Variants in TEX11 observed in about 807,000 individuals in gnomAD.
The protein encoded by TEX11 is testis-expressed protein 11.
TEX11 carries 7 observed loss-of-function variants against 84.4 expected under a neutral mutation model. The ratio of observed to expected loss-of-function variants is 0.08; its 90% confidence interval spans 0.05 to 0.16. TEX11 has a LOEUF of 0.16. Ranked by LOEUF, TEX11 falls within the 10% of genes least tolerant of loss-of-function variation. The pLI is 1.00. For synonymous variants in TEX11, 264 were observed against 222.8 expected (o/e 1.18, Z -1.64); for missense variants, 551 against 660.5 (o/e 0.83, Z 1.82).
intron 9 of TEX11, among the ~76,000 whole-genome samples, chrX:70,748,099 C>T (rs1479189707): frequency 1.8e-5 from 2 of 110,072 alleles, no homozygotes; most frequent in African/African-American, 6.6e-5. Flanking sequence ...TGTAAGACAC[C>T]ATTAAGCACA....
intron 16 of TEX11, among the ~76,000 whole-genome samples, chrX:70,659,856 T>C (rs1239687341): frequency 8.9e-6 from 1 of 112,322 alleles, no homozygotes; most frequent in South Asian, 3.7e-4. Context: ...TACAGTCATG[T>C]GTCACTTAAC....
At chrX:70,704,079 A>ATCTCTCTC (rs376720264) in intron 13 of TEX11, among the ~76,000 whole-genome samples, 3 of 96,568 alleles carry the variant, frequency 3.1e-5, no homozygotes, top group African/African-American at 1.1e-4. Flanking sequence ...AGTGTGTGGT[A>ATCTCTCTC]TCTCTCTCTC....
chrX:70,808,386 C>T (rs1473359890), intron 8 of TEX11, among the ~76,000 whole-genome samples: 1 of 107,261 alleles, frequency 9.3e-6, no homozygotes, highest in African/African-American at 3.4e-5. Flanking sequence ...ACCTGTAATC[C>T]CAGCTACTTG....
chrX:70,512,264 G>A, the TEX11 span, among the ~76,000 whole-genome samples: 4 of 107,774 alleles, frequency 3.7e-5, no homozygotes, highest in Non-Finnish European at 7.7e-5. Flanking sequence ...AGATGGAGTG[G>A]CTGGAGTGCA....
intron 3 of TEX11, among the ~76,000 whole-genome samples, chrX:70,876,535 A>G (rs1471751758): frequency 8.9e-6 from 1 of 111,851 alleles, no homozygotes; most frequent in African/African-American, 3.2e-5. Flanking sequence ...TAAGCATGGT[A>G]AATACATGCT....
intron 15 of TEX11, among the ~76,000 whole-genome samples, chrX:70,670,817 AAAC>A (rs1389281596): frequency 8.9e-6 from 1 of 112,246 alleles, no homozygotes; most frequent in Admixed American, 9.4e-5. Flanking sequence ...AAAGTTATTA[AAAC>A]AACAACGACA....
chrX:70,674,163 G>C (rs746325626), intron 15 of TEX11, among the ~76,000 whole-genome samples: 1 of 112,157 alleles, frequency 8.9e-6, no homozygotes, highest in East Asian at 2.8e-4. Context: ...TTGGCTTTCT[G>C]ATCCTGTGTT....
chrX:70,689,246 A>G (rs2090214567), intron 13 of TEX11, among the ~76,000 whole-genome samples: 1 of 111,180 alleles, frequency 9.0e-6, no homozygotes, highest in African/African-American at 3.3e-5. Flanking sequence ...AACTTAATAT[A>G]GATACAGATG....
intron 9 of TEX11, among the ~76,000 whole-genome samples, chrX:70,761,647 A>T (rs981980818): frequency 5.3e-5 from 6 of 112,271 alleles, no homozygotes; most frequent in African/African-American, 1.9e-4. Flanking sequence ...TGGGTGCAGC[A>T]AACCAACATG....
At chrX:70,600,276 A>G (rs1027412786) in intron 24 of TEX11, among the ~76,000 whole-genome samples, 2 of 111,799 alleles carry the variant, frequency 1.8e-5, no homozygotes, top group African/African-American at 6.5e-5. Context: ...GCCAGTGATG[A>G]TGAACATTTT....
chrX:70,721,182 T>C (rs2090556311), intron 13 of TEX11, among the ~76,000 whole-genome samples: 1 of 111,796 alleles, frequency 8.9e-6, no homozygotes, highest in Non-Finnish European at 1.9e-5. Context: ...GCTTTTGTTA[T>C]TTAATAATGA....
intron 25 of TEX11, among the ~76,000 whole-genome samples, chrX:70,583,554 A>C (rs1316198638): frequency 8.9e-6 from 1 of 112,221 alleles, no homozygotes; most frequent in Non-Finnish European, 1.9e-5. Flanking sequence ...GCAACTGTGA[A>C]TAGTGCTGCA....
chrX:70,854,973 G>A (rs979129763), intron 5 of TEX11, among the ~76,000 whole-genome samples: 34 of 109,630 alleles, frequency 3.1e-4, no homozygotes, highest in Admixed American at 2.1e-3. Flanking sequence ...GCTTGAGCCC[G>A]GGGTGCCAAG....
At chrX:70,731,189 C>G (rs1416523114) in intron 11 of TEX11, among the ~76,000 whole-genome samples, 1 of 111,634 alleles carries the variant, frequency 9.0e-6, no homozygotes, top group East Asian at 2.8e-4. Flanking sequence ...TAAATGCCCA[C>G]AAGAGAAAGC....
At chrX:70,719,602 A>C (rs1284702922) in intron 13 of TEX11, among the ~76,000 whole-genome samples, 2 of 111,898 alleles carry the variant, frequency 1.8e-5, no homozygotes, top group South Asian at 3.7e-4. Flanking sequence ...AATGGGAGAA[A>C]ATTTTTGCAA....
intron 22 of TEX11, among the ~76,000 whole-genome samples, chrX:70,608,564 A>T (rs930735441): frequency 2.7e-5 from 3 of 109,198 alleles, no homozygotes; most frequent in African/African-American, 1.0e-4. Context: ...ACACGGTGAA[A>T]CCCCATCTCT....
chrX:70,697,288 T>C (rs1343455522), intron 13 of TEX11, among the ~76,000 whole-genome samples: 1 of 111,988 alleles, frequency 8.9e-6, no homozygotes, highest in East Asian at 2.8e-4. Flanking sequence ...GGTAACATAC[T>C]CACAGCCCCA....
At chrX:70,788,965 TATATATATAGAGAGAGAGAGAGAGAG>T (rs1484351614) in intron 9 of TEX11, among the ~76,000 whole-genome samples, 1 of 40,020 alleles carries the variant, frequency 2.5e-5, no homozygotes, top group Non-Finnish European at 4.1e-5. Context: ...TATATATATA[TATATATATAGAGAGAGAGAGAGAGAG>T]AGAGAGAGAG....
In TEX11 at chrX:70,655,506, C is replaced by T. The variant is rs186944601; in HGVS notation, c.1381-3954G>A. Among the ~76,000 whole-genome samples the T allele has an allele frequency of 1.6e-3, 184 of 111,814 alleles. 2 individuals are homozygous for T. The South Asian group carries it at 0.028, about 17-fold the overall frequency. Reference sequence around the variant, plus strand: ...CAGCATTAACTGCATTTTCACCTTACGATATTTTCAACTTATGATCAATTT... The same window carrying T: ...CAGCATTAACTGCATTTTCACCTTATGATATTTTCAACTTATGATCAATTT... On this transcript the variant is annotated intron_variant, in intron 16 of 29. Coordinates refer to ENST00000374333, the MANE Select transcript of TEX11 (RefSeq NM_031276.3).
Sources: allele counts gnomAD v4.1 joint callset (sites outside exome capture counted in the v4.1 genomes callset), GRCh38; gene constraint gnomAD v4.1.1; transcripts MANE v1.5; gene names NCBI Gene and HGNC (gene_info 2026-07-23, HGNC 2026-07-21).